C3orf85: variants seen among roughly 807,000 people sequenced by gnomAD.
C3orf85 encodes uncharacterized protein C3orf85.
In C3orf85, 1 loss-of-function variant was observed where a neutral mutation model predicts 1.7. The observed-to-expected ratio is 0.60, with a 90% CI of 0.21 to 2.86. C3orf85 has a LOEUF of 2.86. C3orf85 is among the 30% of genes most tolerant of loss of function. C3orf85 has a pLI of 0.22. For missense variants in C3orf85, 29 were observed against 21.3 expected, an observed-to-expected ratio of 1.36 and a Z score of -0.72; for synonymous variants, 17 against 8.0, an observed-to-expected ratio of 2.13 and a Z score of -1.90.
At chr3:109,137,300 G>A (rs911380876) in intron 2 of C3orf85, among the ~76,000 whole-genome samples, 8 of 152,012 alleles carry the variant, frequency 5.3e-5, no homozygotes, top group Non-Finnish European at 8.8e-5. Context: ...AGGGCAAGCT[G>A]TAGCTCAAAG....
At chr3:109,147,317 A>G (rs1453326449) in intron 2 of C3orf85, among the ~76,000 whole-genome samples, 1 of 152,230 alleles carries the variant, frequency 6.6e-6, no homozygotes, top group Non-Finnish European at 1.5e-5. Flanking sequence ...GGGAATTTTT[A>G]TACCGTATAG....
chr3:109,141,153 AT>A (rs1706740016), intron 2 of C3orf85, among the ~76,000 whole-genome samples: 1 of 151,894 alleles, frequency 6.6e-6, no homozygotes, highest in Admixed American at 6.6e-5. Flanking sequence ...TGCCTGGCTA[AT>A]TTTTGTATTT....
chr3:109,150,102 C>CA lies in C3orf85; in HGVS notation c.*215dup, dbSNP rs1326936433. The CA allele has an allele frequency of 2.2e-5, 6 of 267,664 alleles. No individual in the cohort carries two copies. The highest frequency in any genetic ancestry group is 4.0e-5 in the Non-Finnish European group (6 of 151,524). 16.6% of individuals were successfully genotyped at this position (267,664 alleles called of 1,614,324 possible). ...GACATTCTCAATAAATGGTAGTTCT[C>CA]AAAAAAAGAACTAAAAAAAAAAAAG... On this transcript the variant is annotated 3_prime_UTR_variant, in exon 4 of 4. Transcript: ENST00000622536.
chr3:109,137,855 A>C (rs2107831606), intron 2 of C3orf85, among the ~76,000 whole-genome samples: 1 of 152,148 alleles, frequency 6.6e-6, no homozygotes, highest in East Asian at 1.9e-4. Flanking sequence ...TGCCAGATGA[A>C]GAAAGTGAGG....
chr3:109,137,637 GTATATA>G (rs1553767249), intron 2 of C3orf85, among the ~76,000 whole-genome samples: 123 of 79,900 alleles, frequency 1.5e-3, no homozygotes, highest in African/African-American at 2.6e-3. Context: ...GTGTGTGTGT[GTATATA>G]TATATATATA....
chr3:109,142,475 T>C (rs1706751712), intron 2 of C3orf85, among the ~76,000 whole-genome samples: 1 of 152,204 alleles, frequency 6.6e-6, no homozygotes, highest in South Asian at 2.1e-4. Flanking sequence ...TAGTAGCAGG[T>C]ATCAGGTAAT....
intron 2 of C3orf85, among the ~76,000 whole-genome samples, chr3:109,142,082 G>A (rs896731592): frequency 3.7e-4 from 57 of 152,078 alleles, no homozygotes; most frequent in Middle Eastern, 3.4e-3. Flanking sequence ...AAACATGAAC[G>A]TAAACATGAG....
intron 2 of C3orf85, among the ~76,000 whole-genome samples, chr3:109,137,619 A>ATGTGTG (rs1207083894): frequency 2.7e-4 from 29 of 106,826 alleles, no homozygotes; most frequent in Non-Finnish European, 4.6e-4. Context: ...AGATGTATAT[A>ATGTGTG]TGTGTGTGTG....
intron 2 of C3orf85, among the ~76,000 whole-genome samples, chr3:109,145,830 A>T (rs182241804): frequency 6.6e-6 from 1 of 152,258 alleles, no homozygotes; most frequent in African/African-American, 2.4e-5. Flanking sequence ...CCACAACCCT[A>T]CCTTTCAATC....
In C3orf85 at chr3:109,150,126, A is replaced by G. The variant is rs1415888144; in HGVS notation, c.*232A>G. On this transcript the variant is annotated 3_prime_UTR_variant, in exon 4 of 4. Transcript: ENST00000622536. ...TCAAAAAAAGAACTAAAAAAAAAAAAGGCTGTAGTAATAACATTTACCAAA... is the reference window on the plus strand; with the variant it reads ...TCAAAAAAAGAACTAAAAAAAAAAAGGGCTGTAGTAATAACATTTACCAAA... The G allele has an allele frequency of 7.7e-6, 2 of 259,708 alleles. No individual in the cohort carries two copies. The highest frequency in any genetic ancestry group is 1.4e-5 in the Non-Finnish European group (2 of 139,576). The allele number at this position is 259,708 out of a possible 1,614,324, so 16.1% of individuals were successfully genotyped here.
intron 2 of C3orf85, among the ~76,000 whole-genome samples, chr3:109,138,821 G>T (rs1706707679): frequency 6.6e-6 from 1 of 152,122 alleles, no homozygotes; most frequent in African/African-American, 2.4e-5. Context: ...AGAATTAGAA[G>T]TTCAAGTGTT....
intron 2 of C3orf85, among the ~76,000 whole-genome samples, chr3:109,147,395 C>T (rs1706812396): frequency 6.6e-6 from 1 of 152,124 alleles, no homozygotes; most frequent in African/African-American, 2.4e-5. Context: ...GGTTAAGTGC[C>T]TAATGTAACA....
intron 2 of C3orf85, among the ~76,000 whole-genome samples, chr3:109,137,637 G>GTGTGTATATATATATATATATGTATATA (rs751674362): frequency 1.3e-5 from 1 of 79,896 alleles, no homozygotes; most frequent in Non-Finnish European, 2.6e-5. Context: ...GTGTGTGTGT[G>GTGTGTATATATATATATATATGTATATA]TATATATATA....
At chr3:109,137,637 GTATATATATATATA>G (rs1553767249) in intron 2 of C3orf85, among the ~76,000 whole-genome samples, 24 of 79,906 alleles carry the variant, frequency 3.0e-4, no homozygotes, top group Admixed American at 1.3e-3. Context: ...GTGTGTGTGT[GTATATATATATATA>G]TATATATATA....
intron 2 of C3orf85, among the ~76,000 whole-genome samples, chr3:109,143,795 G>A (rs949986833): frequency 3.3e-5 from 5 of 152,170 alleles, no homozygotes; most frequent in Non-Finnish European, 7.3e-5. Context: ...TGACCTAGCT[G>A]GTCACTGGCG....
At chr3:109,141,562 C>T (rs1706743518) in intron 2 of C3orf85, among the ~76,000 whole-genome samples, 1 of 151,678 alleles carries the variant, frequency 6.6e-6, no homozygotes, top group Admixed American at 6.6e-5. Flanking sequence ...AATTGCTTCT[C>T]TTCCATTATC....
rs150519958 is a variant in C3orf85, at chr3:109,150,191, C to CA, written c.*300dup. ...GGGAAAAGGAAAGCAAAAACATAAA[C>CA]AAAGAAAAGTAGTTTCATTAAACCA... On this transcript the variant is annotated 3_prime_UTR_variant, in exon 4 of 4. Coordinates refer to ENST00000622536, the MANE Select transcript of C3orf85 (RefSeq NM_001351622.2). 0.38 allele frequency: 67,704 copies of CA among 178,314 alleles called. 15,801 individuals are homozygous for CA. The highest frequency in any genetic ancestry group is 0.89 in the East Asian group (6,382 of 7,176). The allele number at this position is 178,314 out of a possible 1,614,324, so 11.0% of individuals were successfully genotyped here.
chr3:109,146,761 G>A (rs1706803491), intron 2 of C3orf85, among the ~76,000 whole-genome samples: 1 of 152,156 alleles, frequency 6.6e-6, no homozygotes. Context: ...ATTGCACACA[G>A]TCATTCCACA....
intron 2 of C3orf85, among the ~76,000 whole-genome samples, chr3:109,140,135 CTGAT>C (rs1706729490): frequency 6.6e-6 from 1 of 151,906 alleles, no homozygotes; most frequent in Non-Finnish European, 1.5e-5. Context: ...GGGCTTATGA[CTGAT>C]TGATACTCTC....
Sources: gnomAD v4.1 joint callset for allele counts (sites outside exome capture counted in the v4.1 genomes callset) on GRCh38, gnomAD v4.1.1 for gene constraint, MANE v1.5 for transcripts, NCBI Gene and HGNC (gene_info 2026-07-23, HGNC 2026-07-21) for gene names.